Variants in CCSER1 observed in about 807,000 individuals in gnomAD.
The protein encoded by CCSER1 is coiled-coil serine rich protein 1.
CCSER1 carries 41 observed loss-of-function variants against 82.0 expected under a neutral mutation model. The ratio of observed to expected loss-of-function variants is 0.50; its 90% CI spans 0.39 to 0.65. The LOEUF (loss-of-function observed/expected upper bound fraction) is 0.65, where lower values mean the gene tolerates loss of function less well. CCSER1 is among the 30% of genes least tolerant of loss of function. The probability of loss-of-function intolerance (pLI) is 0.00; values close to 1 mark genes in which losing one functional copy is unlikely to be tolerated. For synonymous variants in CCSER1, 414 were observed against 383.9 expected (o/e 1.08, Z -0.92); for missense variants, 1,119 against 1,064.2 (o/e 1.05, Z -0.72).
intron 6 of CCSER1, among the ~76,000 whole-genome samples, chr4:90,660,577 A>G (rs1282815838): frequency 6.6e-6 from 1 of 152,158 alleles, no homozygotes; most frequent in Non-Finnish European, 1.5e-5. Flanking sequence ...TGTAAGCCAT[A>G]AAATCATATA....
chr4:91,248,324 G>C (rs1739975155), intron 10 of CCSER1, among the ~76,000 whole-genome samples: 1 of 152,148 alleles, frequency 6.6e-6, no homozygotes, highest in South Asian at 2.1e-4. Flanking sequence ...AGTATAAGCT[G>C]CACACAGGGA....
rs570897481 is a variant in CCSER1, at chr4:90,583,922, T to C, written c.1725-44103T>C. 3.3e-5 allele frequency among the ~76,000 whole-genome samples: 5 copies of C among 152,258 alleles called. No individual in the cohort carries two copies. In the South Asian group the frequency reaches 1.0e-3, roughly 32 times the overall value. The stretch of plus-strand genomic sequence containing the variant: ...CAGCAATTTAATTTTAATTGGAATA[T>C]ATTATTTTTCTTATTAATGTCCAAT... On this transcript the variant is annotated intron_variant, in intron 5 of 10. Transcript: ENST00000509176.
chr4:90,391,484 A>G (rs1216652867), intron 3 of CCSER1, among the ~76,000 whole-genome samples: 1 of 85,098 alleles, frequency 1.2e-5, no homozygotes, highest in Admixed American at 1.1e-4. Context: ...ATATATATAT[A>G]TACACACACA....
At chr4:91,513,194 A>G (rs1560728862) in intron 10 of CCSER1, among the ~76,000 whole-genome samples, 1 of 152,006 alleles carries the variant, frequency 6.6e-6, no homozygotes, top group Non-Finnish European at 1.5e-5. Flanking sequence ...TTGGATTTTA[A>G]TGAGAGCTTT....
At chr4:90,551,706 C>CTCTCTATATATATATATATATATATA in intron 5 of CCSER1, among the ~76,000 whole-genome samples, 5 of 104,240 alleles carry the variant, frequency 4.8e-5, no homozygotes, top group African/African-American at 9.1e-5. Flanking sequence ...CTCTCTCTCT[C>CTCTCTATATATATATATATATATATA]TATATATATA....
At chr4:91,197,178 G>A (rs1365436129) in intron 10 of CCSER1, among the ~76,000 whole-genome samples, 1 of 152,116 alleles carries the variant, frequency 6.6e-6, no homozygotes, top group East Asian at 1.9e-4. Context: ...AAAGCTGCTG[G>A]CCTCAGAACC....
intron 6 of CCSER1, among the ~76,000 whole-genome samples, chr4:90,715,956 C>A (rs1389839765): frequency 6.6e-6 from 1 of 151,430 alleles, no homozygotes; most frequent in African/African-American, 2.4e-5. Flanking sequence ...TTATAATATA[C>A]CCATAAAATG....
At chr4:90,972,333 A>T (rs937272214) in intron 9 of CCSER1, among the ~76,000 whole-genome samples, 12 of 151,808 alleles carry the variant, frequency 7.9e-5, no homozygotes, top group African/African-American at 2.9e-4. Flanking sequence ...ACATATATCA[A>T]ATTACTTTGT....
At chr4:90,592,870 A>AT (rs1460097780) in intron 5 of CCSER1, among the ~76,000 whole-genome samples, 2 of 152,132 alleles carry the variant, frequency 1.3e-5, no homozygotes, top group African/African-American at 4.8e-5. Context: ...TTCTGGCTGT[A>AT]TGTGTTAACT....
rs1339207968 is a variant in CCSER1 at position 91,236,290 on chromosome 4, A to C, written c.2217+150296A>C. Among the ~76,000 whole-genome samples the C allele has an allele frequency of 2.0e-5, 3 of 152,260 alleles. No individual in the cohort carries two copies. The East Asian group carries it at 5.8e-4, about 29-fold the overall frequency. On this transcript the variant is annotated intron_variant, in intron 10 of 10. Coordinates refer to ENST00000509176, the MANE Select transcript of CCSER1 (RefSeq NM_001145065.2). Reference sequence around the variant, plus strand: ...ATCATGAGGTCAAGAGATCAAGACCATCCTGGCCAACATGGTGAAACCCCG... The same window carrying C: ...ATCATGAGGTCAAGAGATCAAGACCCTCCTGGCCAACATGGTGAAACCCCG...
chr4:91,170,285 A>T (rs1367413511), intron 10 of CCSER1, among the ~76,000 whole-genome samples: 3 of 152,188 alleles, frequency 2.0e-5, no homozygotes, highest in Non-Finnish European at 4.4e-5. Flanking sequence ...TTAATCCTTA[A>T]ATTAAATATG....
At chr4:91,016,638 T>C (rs1739456085) in intron 9 of CCSER1, among the ~76,000 whole-genome samples, 1 of 152,076 alleles carries the variant, frequency 6.6e-6, no homozygotes. Flanking sequence ...TATATACACA[T>C]ATATATGCAT....
intron 8 of CCSER1, among the ~76,000 whole-genome samples, chr4:90,855,866 C>T (rs937210346): frequency 2.6e-5 from 4 of 152,066 alleles, no homozygotes; most frequent in African/African-American, 9.7e-5. Flanking sequence ...TATTTATCTA[C>T]TTGTGCCTCA....
At chr4:90,490,614 G>T (rs997753647) in intron 5 of CCSER1, among the ~76,000 whole-genome samples, 1 of 152,030 alleles carries the variant, frequency 6.6e-6, no homozygotes, top group Admixed American at 6.6e-5. Context: ...TGTCCTGAAT[G>T]GTATTGCCTA....
intron 3 of CCSER1, among the ~76,000 whole-genome samples, chr4:90,386,321 A>G (rs188926690): frequency 1.1e-4 from 17 of 152,310 alleles, no homozygotes; most frequent in Admixed American, 1.1e-3. Context: ...CAAATTGAAC[A>G]GAATAGAGAA....
chr4:90,225,774 A>G (rs1173793987), intron 1 of CCSER1, among the ~76,000 whole-genome samples: 1 of 151,696 alleles, frequency 6.6e-6, no homozygotes, highest in Non-Finnish European at 1.5e-5. Context: ...TTCCCTGGAG[A>G]TTGATGCTTT....
intron 10 of CCSER1, among the ~76,000 whole-genome samples, chr4:91,520,563 A>C (rs1009159301): frequency 1.3e-5 from 2 of 152,180 alleles, no homozygotes; most frequent in Non-Finnish European, 2.9e-5. Flanking sequence ...TTTTAAGCAA[A>C]AACACATTTT....
intron 9 of CCSER1, among the ~76,000 whole-genome samples, chr4:90,952,675 T>G (rs917669031): frequency 6.6e-6 from 1 of 152,142 alleles, no homozygotes; most frequent in African/African-American, 2.4e-5. Context: ...GGCCTGGGAC[T>G]GAGTCTCTAT....
chr4:91,087,635 A>G (rs2148819727), intron 10 of CCSER1, among the ~76,000 whole-genome samples: 1 of 152,228 alleles, frequency 6.6e-6, no homozygotes, highest in African/African-American at 2.4e-5. Flanking sequence ...AAGGGACAAC[A>G]CTGATTTTGG....
Sources: gnomAD v4.1 joint callset for allele counts (sites outside exome capture counted in the v4.1 genomes callset) on GRCh38, gnomAD v4.1.1 for gene constraint, MANE v1.5 for transcripts, NCBI Gene and HGNC (gene_info 2026-07-23, HGNC 2026-07-21) for gene names.